The following APP variants were observed in gnomAD, a reference collection of about 807,000 sequenced individuals.
APP encodes amyloid-beta precursor protein.
In APP, 31 loss-of-function variants were observed where a neutral mutation model predicts 101.4. The ratio of observed to expected loss-of-function variants is 0.31; its 90% CI spans 0.23 to 0.41. The LOEUF (loss-of-function observed/expected upper bound fraction) is 0.41, where lower values mean the gene tolerates loss of function less well. APP is among the 10% of genes least tolerant of loss of function. The probability of loss-of-function intolerance (pLI) is 1.00; values close to 1 mark genes in which losing one functional copy is unlikely to be tolerated. For synonymous variants in APP, 366 were observed against 364.4 expected (o/e 1.00, Z -0.05); for missense variants, 839 against 1,003.7 (o/e 0.84, Z 2.22).
intron 3 of APP, among the ~76,000 whole-genome samples, chr21:26,075,540 C>T (rs545090932): frequency 1.2e-4 from 19 of 152,222 alleles, no homozygotes; most frequent in African/African-American, 4.6e-4. Context: ...GTTTTTTCCC[C>T]AATCCAATTG....
rs2036953163 is a variant in APP, at chr21:25,880,980, TTTTC to T, written c.*686_*689del. ...AAGTGCTTACAATGAACAGGGATTC[TTTTC>T]TTTATCAAAGACCCAAAGATACGTG... On this transcript the variant is annotated 3_prime_UTR_variant, in exon 18 of 18. Transcript: ENST00000346798. 2 of 147,598 alleles carry T rather than the reference TTTTC, an allele frequency of 1.4e-5. No homozygotes were observed. The highest frequency in any genetic ancestry group is 4.3e-4 in the East Asian group (2 of 4,612). The allele number at this position is 147,598 out of a possible 1,614,324, so 9.1% of individuals were successfully genotyped here.
At chr21:25,901,928 G>A (rs1250708776) in intron 15 of APP, among the ~76,000 whole-genome samples, 2 of 152,102 alleles carry the variant, frequency 1.3e-5, no homozygotes, top group East Asian at 1.9e-4. Context: ...TGAAGAGCTC[G>A]CTAATGTGTT....
intron 15 of APP, among the ~76,000 whole-genome samples, chr21:25,901,428 C>T (rs1358328550): frequency 6.6e-6 from 1 of 151,280 alleles, no homozygotes; most frequent in Non-Finnish European, 1.5e-5. Context: ...ATCAAGTCAG[C>T]ATGACAGATA....
intron 5 of APP, among the ~76,000 whole-genome samples, chr21:26,034,558 C>T (rs1240252131): frequency 2.0e-5 from 3 of 147,734 alleles, no homozygotes; most frequent in Non-Finnish European, 4.4e-5. Flanking sequence ...AGGAGAATGG[C>T]GTGAACCTGG....
rs113292886 is a variant in APP at position 25,926,372 on chromosome 21, G to C, written c.1688-14410C>G. Among the ~76,000 whole-genome samples, 667 of 152,308 alleles carry C rather than the reference G, an allele frequency of 4.4e-3. 6 individuals are homozygous for C. Among genetic ancestry groups the C allele is most frequent in the African/African-American group, 0.015 (635 of 41,562 alleles). On this transcript the variant is annotated intron_variant, in intron 13 of 17. Transcript: ENST00000346798. Reference sequence around the variant, plus strand: ...GCAGCTGATTTGGGAGAGAACCCATGAGATCTTTAAGGACGGTAGGGATGT... The same window carrying C: ...GCAGCTGATTTGGGAGAGAACCCATCAGATCTTTAAGGACGGTAGGGATGT...
rs534000253 is a variant in APP at position 26,112,535 on chromosome 21, A to C, written c.58-389T>G. ...TTCTTATAATAAACTCCACTGACTC[A>C]CACAGAGCATGATGCCTGCCAGGCC... On this transcript the variant is annotated intron_variant, in intron 1 of 17. Transcript: ENST00000346798. Among the ~76,000 whole-genome samples the C allele has an allele frequency of 1.4e-4, 22 of 152,350 alleles. No individual in the cohort carries two copies. In the South Asian group the frequency reaches 1.4e-3, roughly 10 times the overall value.
At chr21:25,959,512 T>C (rs183395565) in intron 11 of APP, among the ~76,000 whole-genome samples, 5 of 152,366 alleles carry the variant, frequency 3.3e-5, no homozygotes, top group South Asian at 2.1e-4. Context: ...CCAGGAGTAC[T>C]TGCCTGACTT....
At chr21:25,977,891 C>T (rs540769170) in intron 9 of APP, among the ~76,000 whole-genome samples, 9 of 152,268 alleles carry the variant, frequency 5.9e-5, no homozygotes, top group African/African-American at 2.2e-4. Flanking sequence ...TGAGATAAGC[C>T]TTGCAATATA....
At chr21:26,160,472 A>C (rs547981658) in intron 1 of APP, among the ~76,000 whole-genome samples, 1 of 152,232 alleles carries the variant, frequency 6.6e-6, no homozygotes, top group Non-Finnish European at 1.5e-5. Flanking sequence ...TACAAGGCTA[A>C]TCATAATGAC....
intron 13 of APP, chr21:25,945,925 G>A (rs1310774357): frequency 6.6e-6 from 3 of 455,504 alleles, no homozygotes; most frequent in South Asian, 4.7e-5. Context: ...CAAGTCATCT[G>A]CCCACCTTGG....
chr21:25,882,450 G>A (rs45456899), intron 17 of APP, among the ~76,000 whole-genome samples: 136 of 150,492 alleles, frequency 9.0e-4, no homozygotes, highest in African/African-American at 3.3e-3. Context: ...TACTATAGAA[G>A]TATGTTCAGC....
At chr21:26,114,819 T>C (rs2062400880) in intron 1 of APP, among the ~76,000 whole-genome samples, 2 of 152,212 alleles carry the variant, frequency 1.3e-5, no homozygotes, top group Admixed American at 1.3e-4. Flanking sequence ...GTATGCTGAC[T>C]ATCAAAAAGT....
At chr21:26,138,338 T>C (rs1443933381) in intron 1 of APP, among the ~76,000 whole-genome samples, 2 of 152,132 alleles carry the variant, frequency 1.3e-5, no homozygotes, top group East Asian at 3.9e-4. Context: ...GATCATATAC[T>C]ATACACAAAT....
intron 3 of APP, among the ~76,000 whole-genome samples, chr21:26,066,920 G>T (rs892579724): frequency 2.0e-5 from 3 of 152,106 alleles, no homozygotes; most frequent in African/African-American, 7.2e-5. Flanking sequence ...GTGCACATAG[G>T]GTGAGAGACA....
intron 6 of APP, among the ~76,000 whole-genome samples, chr21:26,014,731 T>G (rs748395436): frequency 2.0e-5 from 3 of 152,178 alleles, no homozygotes; most frequent in Non-Finnish European, 4.4e-5. Flanking sequence ...TGTATAGCAA[T>G]AAATCAAATG....
intron 1 of APP, among the ~76,000 whole-genome samples, chr21:26,146,874 C>T (rs2063165977): frequency 6.6e-6 from 1 of 152,102 alleles, no homozygotes; most frequent in Admixed American, 6.5e-5. Flanking sequence ...CTAGGTAATC[C>T]AGTATTGGTA....
chr21:26,161,049 G>A lies in APP; in HGVS notation c.57+9515C>T, dbSNP rs1396851382. 3.9e-5 allele frequency among the ~76,000 whole-genome samples: 6 copies of A among 152,260 alleles called. No individual in the cohort carries two copies. In the East Asian group the frequency reaches 7.7e-4, roughly 20 times the overall value. ...TGTTGAGAAGGTTGCACAGCTGTTC[G>A]AATCTTCAATCTGAACGTAATTCTT... On this transcript the variant is annotated intron_variant, in intron 1 of 17. Transcript: ENST00000346798.
intron 6 of APP, among the ~76,000 whole-genome samples, chr21:26,011,992 T>C (rs1344058822): frequency 1.3e-5 from 2 of 152,114 alleles, no homozygotes; most frequent in Non-Finnish European, 2.9e-5. Flanking sequence ...AGCGTAACCT[T>C]TAACATTTCC....
intron 11 of APP, among the ~76,000 whole-genome samples, chr21:25,972,261 A>C (rs2042059886): frequency 6.6e-6 from 1 of 152,200 alleles, no homozygotes; most frequent in Admixed American, 6.5e-5. Flanking sequence ...TTAAGGGCAG[A>C]CTGAATGATA....
Sources: gnomAD v4.1 joint callset for allele counts (sites outside exome capture counted in the v4.1 genomes callset) on GRCh38, gnomAD v4.1.1 for gene constraint, MANE v1.5 for transcripts, NCBI Gene and HGNC (gene_info 2026-07-23, HGNC 2026-07-21) for gene names.